GNAL: variants seen among roughly 807,000 people sequenced by gnomAD.
GNAL encodes the protein guanine nucleotide-binding protein G(olf) subunit alpha.
GNAL carries 18 observed loss-of-function variants against 55.1 expected under a neutral mutation model. The observed-to-expected ratio is 0.33, with a 90% CI of 0.23 to 0.48. The LOEUF (loss-of-function observed/expected upper bound fraction) is 0.48. Among genes scored for constraint, GNAL ranks in the 20% least tolerant of loss-of-function variants. The pLI is 0.99. For synonymous variants in GNAL, 253 were observed against 237.0 expected (o/e 1.07, Z -0.62); for missense variants, 412 against 614.1 (o/e 0.67, Z 3.48).
At chr18:11,690,571 T>C (rs2031214239) in intron 1 of GNAL, among the ~76,000 whole-genome samples, 1 of 150,062 alleles carries the variant, frequency 6.7e-6, no homozygotes, top group Non-Finnish European at 1.5e-5. Flanking sequence ...AACTCGTCAT[T>C]TAGCATTAGG....
At chr18:11,787,740 G>T (rs962893131) in intron 4 of GNAL, among the ~76,000 whole-genome samples, 12 of 152,118 alleles carry the variant, frequency 7.9e-5, no homozygotes, top group African/African-American at 2.9e-4. Context: ...CAGGCATGGT[G>T]GCGGGTGCCT....
At chr18:11,788,627 T>C (rs946072715) in intron 4 of GNAL, among the ~76,000 whole-genome samples, 4 of 152,084 alleles carry the variant, frequency 2.6e-5, no homozygotes, top group South Asian at 4.2e-4. Flanking sequence ...ATACCAGCAC[T>C]TTGGAAGACG....
Position 11,783,183 on chromosome 18 carries a change from AC to A in GNAL, c.624+29240del, listed in dbSNP as rs2033966963. Among the ~76,000 whole-genome samples, 3 of 152,174 alleles carry A rather than the reference AC, an allele frequency of 2.0e-5. 1 individual carries two copies. In the South Asian group the frequency reaches 6.2e-4, roughly 32 times the overall value. The stretch of plus-strand genomic sequence containing the variant: ...ATATTCCAGGTTTAATTTGTTGACC[AC>A]CTCACATTCAACAGAAGTGAGTGTG... On this transcript the variant is annotated intron_variant, in intron 4 of 11. Coordinates refer to ENST00000334049, the MANE Select transcript of GNAL (RefSeq NM_182978.4).
At chr18:11,769,245 T>C (rs991926700) in intron 4 of GNAL, among the ~76,000 whole-genome samples, 1 of 147,686 alleles carries the variant, frequency 6.8e-6, no homozygotes, top group African/African-American at 2.5e-5. Context: ...AAATAAGGCA[T>C]GTAGTTTAAT....
rs573590139 is a variant in GNAL at position 11,712,063 on chromosome 18, C to T, written c.376+22124C>T. On this transcript the variant is annotated intron_variant, in intron 1 of 11. Coordinates refer to ENST00000334049, the MANE Select transcript of GNAL (RefSeq NM_182978.4). Reference sequence around the variant, plus strand: ...GGTGCCCCACTCTTCTCCCTCCCTCCGTGGGGAGAAGTCATGAGTTTTGCA... The same window carrying T: ...GGTGCCCCACTCTTCTCCCTCCCTCTGTGGGGAGAAGTCATGAGTTTTGCA... 5.9e-5 allele frequency among the ~76,000 whole-genome samples: 9 copies of T among 152,274 alleles called. No homozygotes were observed. The South Asian group carries it at 1.9e-3, about 32-fold the overall frequency.
chr18:11,749,576 AG>A (rs1212340127), intron 1 of GNAL, among the ~76,000 whole-genome samples: 1 of 152,152 alleles, frequency 6.6e-6, no homozygotes, highest in Non-Finnish European at 1.5e-5. Flanking sequence ...CCGGTGCCGC[AG>A]GTACAAGGAT....
chr18:11,813,708 C>T (rs1294560369), intron 4 of GNAL, among the ~76,000 whole-genome samples: 1 of 152,126 alleles, frequency 6.6e-6, no homozygotes, highest in Non-Finnish European at 1.5e-5. Context: ...GATCCACCTT[C>T]ATATGGTCCA....
rs1361144460 is a variant in GNAL, at chr18:11,885,556, GA to G, written c.*4422del. ...CAGTGTATGGAGCTACGTGTAGAAGGAGAGAAATTTGTGTGTGGCTTTTGTA... is the reference window on the plus strand; with the variant it reads ...CAGTGTATGGAGCTACGTGTAGAAGGGAGAAATTTGTGTGTGGCTTTTGTA... On this transcript the variant is annotated 3_prime_UTR_variant, in exon 12 of 12. Transcript: ENST00000334049. 7.3e-6 allele frequency: 9 copies of G among 1,229,288 alleles called. No homozygotes were observed. The Admixed American group carries it at 1.1e-4, about 14-fold the overall frequency. The allele number at this position is 1,229,288 out of a possible 1,614,324, so 76.1% of individuals were successfully genotyped here.
At chr18:11,798,950 A>G (rs2034454086) in intron 4 of GNAL, among the ~76,000 whole-genome samples, 3 of 151,918 alleles carry the variant, frequency 2.0e-5, no homozygotes, top group Admixed American at 2.0e-4. Context: ...CATCTCTACT[A>G]AAAATATGAA....
At chr18:11,853,067 T>G (rs913684484) in intron 5 of GNAL, 1 of 167,126 alleles carries the variant, frequency 6.0e-6, no homozygotes, top group African/African-American at 2.4e-5. Flanking sequence ...ACTGTGTGTG[T>G]GTAGGTTTTG....
chr18:11,733,150 C>T (rs932889846), intron 1 of GNAL, among the ~76,000 whole-genome samples: 1 of 152,204 alleles, frequency 6.6e-6, no homozygotes, highest in Non-Finnish European at 1.5e-5. Flanking sequence ...GGCGCTGTGG[C>T]ACAGGGGCGC....
chr18:11,691,278 A>T (rs1473696036), intron 1 of GNAL, among the ~76,000 whole-genome samples: 3 of 151,022 alleles, frequency 2.0e-5, no homozygotes, highest in Non-Finnish European at 4.5e-5. Flanking sequence ...GTGTCTGTTC[A>T]TGTCCTTTGC....
At chr18:11,776,707 C>CAAAAAAA (rs33937288) in intron 4 of GNAL, among the ~76,000 whole-genome samples, 1 of 71,644 alleles carries the variant, frequency 1.4e-5, no homozygotes, top group Non-Finnish European at 2.8e-5. Context: ...GATCCTGCCT[C>CAAAAAAA]AAAAAAAAAA....
chr18:11,827,974 GAA>G (rs561574635), intron 5 of GNAL, among the ~76,000 whole-genome samples: 33,534 of 118,562 alleles, frequency 0.28, 4,294 homozygotes, highest in East Asian at 0.39. Flanking sequence ...CCGTCTCAAG[GAA>G]AAAAAAAAAA....
intron 4 of GNAL, among the ~76,000 whole-genome samples, chr18:11,811,051 G>C (rs892120933): frequency 6.6e-6 from 1 of 152,112 alleles, no homozygotes; most frequent in Non-Finnish European, 1.5e-5. Flanking sequence ...TTCTGTAGAT[G>C]TTTCTAGAAT....
intron 5 of GNAL, among the ~76,000 whole-genome samples, chr18:11,835,103 T>TG (rs1285440871): frequency 6.6e-6 from 1 of 152,246 alleles, no homozygotes; most frequent in Admixed American, 6.5e-5. Context: ...CACAGATAGA[T>TG]GCATTTTTCA....
intron 1 of GNAL, among the ~76,000 whole-genome samples, chr18:11,698,105 C>T (rs903294329): frequency 2.6e-5 from 4 of 152,012 alleles, no homozygotes; most frequent in Admixed American, 1.3e-4. Flanking sequence ...GGAAGAAGAG[C>T]GTGAAGAATG....
intron 1 of GNAL, among the ~76,000 whole-genome samples, chr18:11,726,316 C>G (rs949938502): frequency 6.6e-6 from 1 of 152,196 alleles, no homozygotes; most frequent in Admixed American, 6.5e-5. Context: ...TCACCATTTC[C>G]ACTTTATCTT....
intron 1 of GNAL, among the ~76,000 whole-genome samples, chr18:11,751,000 G>A (rs1461232572): frequency 1.3e-5 from 2 of 152,098 alleles, no homozygotes; most frequent in African/African-American, 4.8e-5. Flanking sequence ...GAGCCGGGGC[G>A]GGCTGGGGTC....
Sources: allele counts gnomAD v4.1 joint callset (sites outside exome capture counted in the v4.1 genomes callset), GRCh38; gene constraint gnomAD v4.1.1; transcripts MANE v1.5; gene names NCBI Gene and HGNC (gene_info 2026-07-23, HGNC 2026-07-21).